The following HIPK3 variants were observed in gnomAD, a reference collection of about 807,000 sequenced individuals.
HIPK3 encodes the protein homeodomain-interacting protein kinase 3.
HIPK3 carries 47 observed loss-of-function variants against 124.2 expected under a neutral mutation model. That is an observed-to-expected ratio of 0.38 (90% CI 0.30 to 0.48). The LOEUF (loss-of-function observed/expected upper bound fraction) is 0.48, where lower values mean the gene tolerates loss of function less well. Among genes scored for constraint, HIPK3 ranks in the 20% least tolerant of loss-of-function variants. The probability of loss-of-function intolerance (pLI) is 0.98; values close to 1 mark genes in which losing one functional copy is unlikely to be tolerated. For synonymous variants in HIPK3, 482 were observed against 515.2 expected (o/e 0.94, Z 0.87); for missense variants, 1,286 against 1,454.3 (o/e 0.88, Z 1.88).
Position 33,351,855 on chromosome 11 carries a change from C to T in HIPK3, c.3043+12C>T. 5 of 1,584,636 alleles carry T rather than the reference C, an allele frequency of 3.2e-6. No homozygotes were observed. Among genetic ancestry groups the T allele is most frequent in the Non-Finnish European group, 4.3e-6 (5 of 1,154,928 alleles). Reference sequence around the variant, plus strand: ...TATGGCAAACACAGGTAAGTTGAGTCCTCCCATTTCTCTGGTTGTCCTTTA... The same window carrying T: ...TATGGCAAACACAGGTAAGTTGAGTTCTCCCATTTCTCTGGTTGTCCTTTA... On this transcript the variant is annotated intron_variant, in intron 15 of 16. Transcript: ENST00000303296.
intron 8 of HIPK3, among the ~76,000 whole-genome samples, chr11:33,345,382 T>G (rs777871055): frequency 6.6e-6 from 1 of 152,146 alleles, no homozygotes; most frequent in Non-Finnish European, 1.5e-5. Context: ...CTTCCAAGTA[T>G]TAAAGCAAAT....
intron 3 of HIPK3, among the ~76,000 whole-genome samples, chr11:33,331,622 T>A (rs1852986593): frequency 1.3e-5 from 2 of 152,024 alleles, no homozygotes; most frequent in African/African-American, 4.8e-5. Flanking sequence ...TAAGCCATCC[T>A]CCCGCCTGGA....
Position 33,354,538 on chromosome 11 carries a change from G to C in HIPK3, c.*970G>C, listed in dbSNP as rs202123118. 3.5e-4 allele frequency: 53 copies of C among 152,590 alleles called. No individual in the cohort carries two copies. The highest frequency in any genetic ancestry group is 5.6e-4 in the Non-Finnish European group (38 of 67,964). 9.5% of individuals were successfully genotyped at this position (152,590 alleles called of 1,614,324 possible). ...AGAGGTACAGTAGGCATGACTTTGG[G>C]TAGATAATAAAATGCAAAATGCTCA... On this transcript the variant is annotated 3_prime_UTR_variant, in exon 17 of 17. Coordinates refer to ENST00000303296, the MANE Select transcript of HIPK3 (RefSeq NM_005734.5).
chr11:33,264,157 G>A (rs1336284908), intron 1 of HIPK3, among the ~76,000 whole-genome samples: 1 of 150,094 alleles, frequency 6.7e-6, no homozygotes, highest in African/African-American at 2.5e-5. Flanking sequence ...TGCTAACCTT[G>A]TCTTTTTTTT....
At chr11:33,335,970 TG>T (rs1170903316) in intron 3 of HIPK3, among the ~76,000 whole-genome samples, 3 of 152,122 alleles carry the variant, frequency 2.0e-5, no homozygotes, top group African/African-American at 7.2e-5. Context: ...TCATGGGCTC[TG>T]GGGGTATATA....
At chr11:33,288,601 A>G (rs777379298) in intron 2 of HIPK3, among the ~76,000 whole-genome samples, 46 of 152,326 alleles carry the variant, frequency 3.0e-4, no homozygotes, top group Admixed American at 5.2e-4. Context: ...GAAGTTAAAG[A>G]AGAAAATAAT....
chr11:33,343,267 G>GTT (rs945329400), intron 8 of HIPK3, among the ~76,000 whole-genome samples: 1 of 150,490 alleles, frequency 6.6e-6, no homozygotes, highest in African/African-American at 2.5e-5. Context: ...GTGTGTGTGT[G>GTT]TGTGTGTGTG....
At chr11:33,350,530 A>G (rs1853626561) in intron 14 of HIPK3, among the ~76,000 whole-genome samples, 1 of 150,256 alleles carries the variant, frequency 6.7e-6, no homozygotes, top group Admixed American at 6.6e-5. Flanking sequence ...AAAAAAAAGC[A>G]GGATGTGGTG....
chr11:33,295,892 A>G (rs1014455245), intron 2 of HIPK3, among the ~76,000 whole-genome samples: 2 of 152,328 alleles, frequency 1.3e-5, no homozygotes, highest in East Asian at 1.9e-4. Context: ...TTTGTAATTA[A>G]TAAGTACAAT....
chr11:33,259,734 G>A (rs1850774025), intron 1 of HIPK3, among the ~76,000 whole-genome samples: 1 of 151,248 alleles, frequency 6.6e-6, no homozygotes. Context: ...TGTGATGTTT[G>A]GGCATGTCTT....
chr11:33,274,364 G>A (rs1590346008), intron 1 of HIPK3, among the ~76,000 whole-genome samples: 1 of 152,206 alleles, frequency 6.6e-6, no homozygotes, highest in South Asian at 2.1e-4. Context: ...GTTTTGTGGT[G>A]GTTCTTTTGA....
rs1310572737 is a variant in HIPK3, at chr11:33,279,348, AG to A, written c.-2-7064del. 5.2e-3 allele frequency among the ~76,000 whole-genome samples: 734 copies of A among 142,460 alleles called. 5 individuals are homozygous for A. Among genetic ancestry groups the A allele is most frequent in the African/African-American group, 0.018 (696 of 38,236 alleles). The allele number at this position is 142,460 out of a possible 152,430, so 93.5% of individuals were successfully genotyped here. A position where few individuals can be genotyped will look rare whatever the true frequency, so the allele number is the denominator to read the frequency against. On this transcript the variant is annotated intron_variant, in intron 1 of 16. Transcript: ENST00000303296. Reference sequence around the variant, plus strand: ...TCAAAAAAAAAAAAAAAAAAAAAAAAGAGAAGAAGAAGAACCCTATTACATA... The same window carrying A: ...TCAAAAAAAAAAAAAAAAAAAAAAAAAGAAGAAGAAGAACCCTATTACATA...
intron 1 of HIPK3, chr11:33,258,739 A>C: frequency 2.0e-6 from 2 of 985,016 alleles, no homozygotes; most frequent in Non-Finnish European, 2.4e-6. Flanking sequence ...TCTCTGCTTG[A>C]GGAATTGCGC....
chr11:33,301,856 G>A (rs1325855542), intron 2 of HIPK3, among the ~76,000 whole-genome samples: 5 of 34,878 alleles, frequency 1.4e-4, no homozygotes, highest in Admixed American at 2.8e-4. Flanking sequence ...ACACACACAC[G>A]AGTACAGTAC....
chr11:33,282,020 G>C (rs970057090), intron 1 of HIPK3, among the ~76,000 whole-genome samples: 5 of 152,130 alleles, frequency 3.3e-5, no homozygotes, highest in African/African-American at 1.2e-4. Context: ...ATGGTGTACT[G>C]TTCTTCTATA....
chr11:33,274,189 C>T (rs1300173120), intron 1 of HIPK3, among the ~76,000 whole-genome samples: 5 of 152,074 alleles, frequency 3.3e-5, no homozygotes, highest in Non-Finnish European at 7.4e-5. Context: ...AGTGGGCATT[C>T]GGTCAAATTA....
intron 1 of HIPK3, among the ~76,000 whole-genome samples, chr11:33,259,640 T>C (rs529470520): frequency 6.6e-6 from 1 of 152,330 alleles, no homozygotes; most frequent in South Asian, 2.1e-4. Context: ...TTCTGAACTA[T>C]AATGCTTAAC....
At chr11:33,281,015 A>C (rs538824510) in intron 1 of HIPK3, among the ~76,000 whole-genome samples, 2 of 149,840 alleles carry the variant, frequency 1.3e-5, no homozygotes, top group African/African-American at 5.0e-5. Context: ...ACCACATCAA[A>C]ATCTTTCTGA....
chr11:33,257,828 C>T lies in HIPK3; in HGVS notation c.-64C>T. Reference sequence around the variant, plus strand: ...CGGTCCCCGGCACGGCCCTGCGCCCCACCCCGGACATGCTCAGGGCTGCGG... The same window carrying T: ...CGGTCCCCGGCACGGCCCTGCGCCCTACCCCGGACATGCTCAGGGCTGCGG... On this transcript the variant is annotated 5_prime_UTR_variant, in exon 1 of 17. Coordinates refer to ENST00000303296, the MANE Select transcript of HIPK3 (RefSeq NM_005734.5). The T allele has an allele frequency of 1.0e-6, 1 of 986,160 alleles. No individual in the cohort carries two copies. The highest frequency in any genetic ancestry group is 1.2e-6 in the Non-Finnish European group (1 of 830,526). The allele number at this position is 986,160 out of a possible 1,614,324, so 61.1% of individuals were successfully genotyped here.
Sources: gnomAD v4.1 joint callset for allele counts (sites outside exome capture counted in the v4.1 genomes callset) on GRCh38, gnomAD v4.1.1 for gene constraint, MANE v1.5 for transcripts, NCBI Gene and HGNC (gene_info 2026-07-23, HGNC 2026-07-21) for gene names.